The following ADGRV1 variants were observed in gnomAD, a reference collection of about 807,000 sequenced individuals.
ADGRV1 encodes the protein G-protein coupled receptor 98.
A neutral mutation model predicts 596.2 loss-of-function variants in ADGRV1; 359 were observed. The ratio of observed to expected loss-of-function variants is 0.60; its 90% CI spans 0.55 to 0.66. The LOEUF is 0.66. Ranked by LOEUF, ADGRV1 falls within the 30% of genes least tolerant of loss-of-function variation. ADGRV1 has a pLI of 0.00. For missense variants in ADGRV1, 7,274 were observed against 7,575.6 expected (o/e 0.96, Z 1.48); for synonymous variants, 2,681 against 2,679.2 (o/e 1.00, Z -0.02).
At chr5:91,086,627 T>C (rs972162521) in intron 86 of ADGRV1, among the ~76,000 whole-genome samples, 1 of 152,138 alleles carries the variant, frequency 6.6e-6, no homozygotes, top group Admixed American at 6.6e-5. Context: ...ATTTTTAAGC[T>C]CTCTTACTCT....
chr5:90,742,949 T>A (rs1165866180), intron 50 of ADGRV1, among the ~76,000 whole-genome samples: 1 of 152,252 alleles, frequency 6.6e-6, no homozygotes, highest in East Asian at 1.9e-4. Flanking sequence ...GGACCAGGCT[T>A]TTAGGGGCAG....
chr5:91,083,795 C>T (rs1789626760), intron 86 of ADGRV1, among the ~76,000 whole-genome samples: 1 of 152,168 alleles, frequency 6.6e-6, no homozygotes, highest in South Asian at 2.1e-4. Flanking sequence ...TTGCTGGGTA[C>T]AGTGGCATGC....
In ADGRV1 at chr5:90,674,097, A is replaced by G. The variant is rs1419452312; in HGVS notation, c.4973A>G (p.Asn1658Ser). The G allele has an allele frequency of 1.9e-6, 3 of 1,612,612 alleles. No individual in the cohort carries two copies. The highest frequency in any genetic ancestry group is 1.1e-5 in the South Asian group (1 of 91,010). ...CTTGATGATGATATTCCTGAACTTA[A>G]TGAGTATTTCCGTGTGACATTGGTT... Reference protein sequence around the residue: ...YVLDDDIPELNEYFRVTLVSA... With the variant: ...YVLDDDIPELSEYFRVTLVSA... The change falls in exon 23 of 90, where the codon AAT (asparagine) becomes AGT (serine). Residue 1658 changes from asparagine (N) to serine (S), a missense_variant. Physicochemically the swap from Asn to Ser is conservative, Grantham distance 46. Coordinates refer to ENST00000405460, the MANE Select transcript of ADGRV1 (RefSeq NM_032119.4).
intron 85 of ADGRV1, among the ~76,000 whole-genome samples, chr5:91,055,639 G>A (rs1034857728): frequency 3.3e-5 from 5 of 152,232 alleles, no homozygotes; most frequent in Middle Eastern, 3.4e-3. Flanking sequence ...AGTTCACATC[G>A]GTAAGCTCTT....
chr5:90,877,584 G>GT (rs1390774806), intron 83 of ADGRV1, among the ~76,000 whole-genome samples: 3 of 139,022 alleles, frequency 2.2e-5, no homozygotes, highest in Non-Finnish European at 4.5e-5. Context: ...TTCAGTGTGT[G>GT]GTTTTTTTTT....
At chr5:90,984,860 G>A (rs549152755) in intron 84 of ADGRV1, among the ~76,000 whole-genome samples, 10 of 152,276 alleles carry the variant, frequency 6.6e-5, no homozygotes, top group Non-Finnish European at 1.2e-4. Flanking sequence ...CTGAGATCAA[G>A]GTTGTCTTCA....
At chr5:91,035,861 T>TATATAATATATATATATATATATATATA in intron 85 of ADGRV1, among the ~76,000 whole-genome samples, 24 of 96,392 alleles carry the variant, frequency 2.5e-4, no homozygotes, top group African/African-American at 3.4e-4. Flanking sequence ...TATATATATA[T>TATATAATATATATATATATATATATATA]TATATATATA....
chr5:90,852,127 AG>A (rs1230323053), intron 79 of ADGRV1, among the ~76,000 whole-genome samples: 2 of 152,192 alleles, frequency 1.3e-5, no homozygotes, highest in African/African-American at 4.8e-5. Flanking sequence ...ACATGGACAA[AG>A]GACCTAGAGC....
chr5:91,106,562 G>C (rs1791893331), intron 87 of ADGRV1, among the ~76,000 whole-genome samples: 1 of 152,200 alleles, frequency 6.6e-6, no homozygotes, highest in Non-Finnish European at 1.5e-5. Flanking sequence ...GCTTTGGCTA[G>C]TATGGTTCTT....
chr5:91,070,896 A>G (rs903930760), intron 85 of ADGRV1, among the ~76,000 whole-genome samples: 1 of 152,186 alleles, frequency 6.6e-6, no homozygotes, highest in African/African-American at 2.4e-5. Flanking sequence ...AGTCATTCAA[A>G]AAACAAGATT....
At chr5:91,121,969 G>GAAAA (rs547145432) in intron 87 of ADGRV1, among the ~76,000 whole-genome samples, 1 of 142,202 alleles carries the variant, frequency 7.0e-6, no homozygotes. Context: ...TTAAAGAGAA[G>GAAAA]AAAAAAAAAA....
intron 28 of ADGRV1, among the ~76,000 whole-genome samples, chr5:90,684,523 A>G (rs1745356000): frequency 6.6e-6 from 1 of 152,152 alleles, no homozygotes; most frequent in Non-Finnish European, 1.5e-5. Context: ...ACAAACTGCC[A>G]TAAACTGGGT....
At chr5:90,680,633 T>C (rs980244823) in intron 26 of ADGRV1, among the ~76,000 whole-genome samples, 1 of 152,242 alleles carries the variant, frequency 6.6e-6, no homozygotes, top group Non-Finnish European at 1.5e-5. Flanking sequence ...GAACTCATGA[T>C]TTCACTGCCT....
intron 1 of ADGRV1, among the ~76,000 whole-genome samples, chr5:90,587,555 CTTTTTTTTT>C (rs35819836): frequency 9.4e-5 from 13 of 138,518 alleles, no homozygotes; most frequent in Admixed American, 8.9e-4. Context: ...TTTTCTGTGT[CTTTTTTTTT>C]TTTTTTTTTT....
At chr5:90,711,570 G>T (rs907500482) in intron 41 of ADGRV1, among the ~76,000 whole-genome samples, 1 of 151,952 alleles carries the variant, frequency 6.6e-6, no homozygotes, top group African/African-American at 2.4e-5. Context: ...TTTCATTACA[G>T]TATTTGATAC....
At chr5:90,962,375 T>A (rs1778108698) in intron 83 of ADGRV1, among the ~76,000 whole-genome samples, 9 of 152,202 alleles carry the variant, frequency 5.9e-5, no homozygotes, top group Admixed American at 5.9e-4. Context: ...TTTGAAAAAT[T>A]CCTTTTTTCT....
In ADGRV1 at chr5:90,679,645, A is replaced by G; in HGVS notation, c.5524+16A>G. 1.3e-6 allele frequency: 2 copies of G among 1,585,624 alleles called. No individual in the cohort carries two copies. The highest frequency in any genetic ancestry group is 1.7e-6 in the Non-Finnish European group (2 of 1,154,916). ...CACAAACGTGGTAAGCAGTTTTTCC[A>G]AGGTCCTTTACTATTATAGGTTTTT... On this transcript the variant is annotated intron_variant, in intron 26 of 89. Coordinates refer to ENST00000405460, the MANE Select transcript of ADGRV1 (RefSeq NM_032119.4).
chr5:90,927,778 C>G (rs906080462), intron 83 of ADGRV1, among the ~76,000 whole-genome samples: 2 of 152,008 alleles, frequency 1.3e-5, no homozygotes, highest in East Asian at 1.9e-4. Flanking sequence ...ACTGGTTGTT[C>G]CTTTCCATGT....
chr5:90,954,262 T>C (rs1045155953), intron 83 of ADGRV1, among the ~76,000 whole-genome samples: 19 of 152,022 alleles, frequency 1.2e-4, no homozygotes, highest in Admixed American at 6.6e-4. Flanking sequence ...TAAAGCACTT[T>C]GCTAATGCTT....
Sources: gnomAD v4.1 joint callset for allele counts (sites outside exome capture counted in the v4.1 genomes callset) on GRCh38, gnomAD v4.1.1 for gene constraint, MANE v1.5 for transcripts, NCBI Gene and HGNC (gene_info 2026-07-23, HGNC 2026-07-21) for gene names.